The following CNTN4 variants were observed in gnomAD, a reference collection of about 807,000 sequenced individuals.
CNTN4 encodes the protein contactin 4.
In CNTN4, 77 loss-of-function variants were observed where a neutral mutation model predicts 122.5. That is an observed-to-expected ratio of 0.63 (90% CI 0.52 to 0.76). The LOEUF (loss-of-function observed/expected upper bound fraction) is 0.76, where lower values mean the gene tolerates loss of function less well. Ranked by LOEUF, CNTN4 falls within the 30% of genes least tolerant of loss-of-function variation. CNTN4 has a pLI of 0.00. For missense variants in CNTN4, 1,256 were observed against 1,259.1 expected, an observed-to-expected ratio of 1.00 and a Z score of 0.04; for synonymous variants, 512 against 447.0, an observed-to-expected ratio of 1.15 and a Z score of -1.83.
At chr3:2,849,329 G>T (rs2093507815) in intron 7 of CNTN4, among the ~76,000 whole-genome samples, 1 of 152,214 alleles carries the variant, frequency 6.6e-6, no homozygotes, top group Non-Finnish European at 1.5e-5. Flanking sequence ...TTCTAGACAT[G>T]AATAATGGTG....
intron 3 of CNTN4, among the ~76,000 whole-genome samples, chr3:2,350,039 C>T (rs62244025): frequency 0.13 from 19,361 of 152,096 alleles, 1,537 homozygotes; most frequent in Non-Finnish European, 0.18. Context: ...GTGAGACAGG[C>T]GCTTGTCTCA....
At chr3:2,959,393 T>C (rs1211708875) in intron 13 of CNTN4, among the ~76,000 whole-genome samples, 1 of 152,132 alleles carries the variant, frequency 6.6e-6, no homozygotes, top group East Asian at 1.9e-4. Flanking sequence ...CTAATTGCAT[T>C]TCAGTATGAT....
chr3:2,879,720 A>G (rs7641289), intron 8 of CNTN4, among the ~76,000 whole-genome samples: 52,287 of 152,026 alleles, frequency 0.34, 9,269 homozygotes, highest in Middle Eastern at 0.45. Context: ...GTGAATGGGC[A>G]TGAGGGATCT....
intron 3 of CNTN4, among the ~76,000 whole-genome samples, chr3:2,542,462 A>G (rs527823334): frequency 1.2e-4 from 19 of 152,238 alleles, no homozygotes; most frequent in African/African-American, 4.6e-4. Context: ...AATCTTCTGC[A>G]AAGAATATAC....
At chr3:2,422,826 AC>A (rs1230164411) in intron 3 of CNTN4, among the ~76,000 whole-genome samples, 6 of 152,188 alleles carry the variant, frequency 3.9e-5, no homozygotes, top group African/African-American at 1.4e-4. Flanking sequence ...TCACATGTAG[AC>A]ATGGAGGGAC....
chr3:2,852,946 A>G (rs1033638125), intron 7 of CNTN4, among the ~76,000 whole-genome samples: 17 of 152,192 alleles, frequency 1.1e-4, no homozygotes, highest in African/African-American at 3.6e-4. Flanking sequence ...TACAAGAGTC[A>G]TTGGGAAGAA....
chr3:2,745,370 G>A, intron 5 of CNTN4, 152 bp from the exon 6 acceptor site: 1 of 668,608 alleles, frequency 1.5e-6, no homozygotes, highest in South Asian at 1.9e-5. Flanking sequence ...TGTCACCATT[G>A]CTGGGTAGAG....
intron 3 of CNTN4, among the ~76,000 whole-genome samples, chr3:2,519,144 A>G (rs1575829242): frequency 6.6e-6 from 1 of 152,128 alleles, no homozygotes; most frequent in East Asian, 1.9e-4. Flanking sequence ...CTGATGTGAC[A>G]ATGAAAAGGG....
intron 3 of CNTN4, among the ~76,000 whole-genome samples, chr3:2,523,666 C>A (rs915325323): frequency 3.3e-5 from 5 of 152,002 alleles, no homozygotes; most frequent in Non-Finnish European, 5.9e-5. Flanking sequence ...GTTTTCAGAT[C>A]AGGACGGCAA....
intron 3 of CNTN4, among the ~76,000 whole-genome samples, chr3:2,500,094 A>G (rs1191835329): frequency 2.6e-5 from 4 of 152,130 alleles, no homozygotes; most frequent in Admixed American, 2.0e-4. Flanking sequence ...TCAACATCCT[A>G]CAGTATCTTG....
chr3:2,135,735 T>G (rs1448344200), intron 2 of CNTN4, among the ~76,000 whole-genome samples: 1 of 152,160 alleles, frequency 6.6e-6, no homozygotes, highest in Non-Finnish European at 1.5e-5. Context: ...TCTTCACAAG[T>G]GTAGCTCTAA....
intron 3 of CNTN4, among the ~76,000 whole-genome samples, chr3:2,397,375 G>C (rs1297906614): frequency 6.6e-6 from 1 of 151,980 alleles, no homozygotes; most frequent in Non-Finnish European, 1.5e-5. Context: ...AGTTTTCTTT[G>C]GTTCTGTCTT....
intron 4 of CNTN4, among the ~76,000 whole-genome samples, chr3:2,668,718 T>A (rs1249085112): frequency 6.6e-6 from 1 of 152,228 alleles, no homozygotes; most frequent in African/African-American, 2.4e-5. Context: ...AGTATGATAT[T>A]GGCTGTGGGT....
intron 4 of CNTN4, among the ~76,000 whole-genome samples, chr3:2,693,254 G>T (rs1234064050): frequency 6.6e-6 from 1 of 151,986 alleles, no homozygotes; most frequent in Non-Finnish European, 1.5e-5. Context: ...CTTGAGATTT[G>T]ACCAGTGCAT....
At chr3:2,248,752 A>G (rs1235565650) in intron 2 of CNTN4, among the ~76,000 whole-genome samples, 1 of 152,026 alleles carries the variant, frequency 6.6e-6, no homozygotes, top group East Asian at 1.9e-4. Context: ...TTGTGAAAAG[A>G]AAAGCCTGTT....
intron 4 of CNTN4, among the ~76,000 whole-genome samples, chr3:2,584,167 G>A (rs1289808002): frequency 1.3e-5 from 2 of 152,122 alleles, no homozygotes; most frequent in Non-Finnish European, 2.9e-5. Flanking sequence ...AAAGGCCATG[G>A]CCTCCTCTCT....
chr3:2,122,423 GA>G (rs2033863601), intron 2 of CNTN4, among the ~76,000 whole-genome samples: 1 of 152,118 alleles, frequency 6.6e-6, no homozygotes, highest in South Asian at 2.1e-4. Flanking sequence ...ACTTAAAGAT[GA>G]ATCTTAGATG....
At chr3:2,890,300 A>C (rs192751979) in intron 10 of CNTN4, among the ~76,000 whole-genome samples, 142 of 152,274 alleles carry the variant, frequency 9.3e-4, no homozygotes, top group African/African-American at 3.3e-3. Flanking sequence ...GGGTCTTCCC[A>C]GTGCTGTGTT....
intron 24 of CNTN4, 123 bp downstream of exon 24, chr3:3,054,098 C>T: frequency 4.0e-6 from 4 of 1,007,850 alleles, no homozygotes; most frequent in African/African-American, 1.6e-5. Context: ...ATGGAGAACA[C>T]TACCCCCCTT....
Sources: gnomAD v4.1 joint callset for allele counts (sites outside exome capture counted in the v4.1 genomes callset) on GRCh38, gnomAD v4.1.1 for gene constraint, MANE v1.5 for transcripts, NCBI Gene and HGNC (gene_info 2026-07-23, HGNC 2026-07-21) for gene names.